CTNNA1: variants seen among roughly 807,000 people sequenced by gnomAD.
The protein encoded by CTNNA1 is catenin alpha 1, also known as catenin alpha-1.
CTNNA1 carries 37 observed loss-of-function variants against 98.4 expected under a neutral mutation model. The observed-to-expected ratio is 0.38, with a 90% CI of 0.29 to 0.49. The LOEUF (loss-of-function observed/expected upper bound fraction) is 0.49. Ranked by LOEUF, CTNNA1 falls within the 20% of genes least tolerant of loss-of-function variation. CTNNA1 has a pLI of 0.95. For missense variants in CTNNA1, 761 were observed against 1,147.2 expected (o/e 0.66, Z 4.86); for synonymous variants, 404 against 413.2 (o/e 0.98, Z 0.27).
In CTNNA1 at chr5:138,824,573, G is replaced by C; in HGVS notation, c.632G>C (p.Arg211Thr). The C allele has an allele frequency of 6.2e-7, 1 of 1,614,230 alleles. No homozygotes were observed. The highest frequency in any genetic ancestry group is 8.5e-7 in the Non-Finnish European group (1 of 1,180,040). The change falls in exon 6 of 18, where the codon AGA becomes ACA. Residue 211 changes from arginine to threonine, a missense_variant. Around this residue, in one of 6 missense-constraint regions of CTNNA1, gnomAD observed 328 missense variants for 354.3 expected, o/e 0.93. Coordinates refer to ENST00000302763, the MANE Select transcript of CTNNA1 (RefSeq NM_001903.5). ...VGHRDQMAAARGILQKNVPIL... is the reference protein window; with the variant it reads ...VGHRDQMAAATGILQKNVPIL... The stretch of plus-strand genomic sequence containing the variant: ...CATCGTGATCAGATGGCTGCAGCTA[G>C]AGGAATCCTGCAGAAGAACGTTCCG...
chr5:138,856,342 T>C (rs1763723149), intron 7 of CTNNA1, among the ~76,000 whole-genome samples: 1 of 151,858 alleles, frequency 6.6e-6, no homozygotes, highest in Non-Finnish European at 1.5e-5. Flanking sequence ...TTTCTTTTCC[T>C]TTTTTTTAAA....
chr5:138,873,697 CTTG>C lies in CTNNA1; in HGVS notation c.1063-12509_1063-12507del, dbSNP rs1561621339. On this transcript the variant is annotated intron_variant, in intron 7 of 17. Coordinates refer to ENST00000302763, the MANE Select transcript of CTNNA1 (RefSeq NM_001903.5). The surrounding 1 kb of genome is among the most constrained non-coding windows in gnomAD (Gnocchi z 6.1). ...AGATCTTGGAATCAAGGCTGTTTAACTTGTTGTTATCCATGAGGAGTATTTTAA... is the reference window on the plus strand; with the variant it reads ...AGATCTTGGAATCAAGGCTGTTTAACTTGTTATCCATGAGGAGTATTTTAA... 1.2e-6 allele frequency: 2 copies of C among 1,614,012 alleles called. No individual in the cohort carries two copies. The highest frequency in any genetic ancestry group is 1.3e-5 in the African/African-American group (1 of 75,038).
chr5:138,816,392 G>A (rs554977103), intron 5 of CTNNA1, among the ~76,000 whole-genome samples: 15 of 152,298 alleles, frequency 9.8e-5, no homozygotes, highest in African/African-American at 3.4e-4. Flanking sequence ...TGGATACCCA[G>A]TAGTGGGATT....
At chr5:138,877,593 G>A (rs921175325) in intron 7 of CTNNA1, among the ~76,000 whole-genome samples, 3 of 151,896 alleles carry the variant, frequency 2.0e-5, no homozygotes, top group South Asian at 2.1e-4. Flanking sequence ...GACTACAGGC[G>A]CCCGCCACCA....
intron 7 of CTNNA1, among the ~76,000 whole-genome samples, chr5:138,863,051 A>G (rs1452308413): frequency 6.6e-6 from 1 of 152,146 alleles, no homozygotes; most frequent in Non-Finnish European, 1.5e-5. Context: ...CCCAAGGTAC[A>G]TAAAGGTTGA....
Position 138,873,454 on chromosome 5 carries a change from G to A in CTNNA1, c.1063-12758G>A. 2 of 1,614,004 alleles carry A rather than the reference G, an allele frequency of 1.2e-6. No homozygotes were observed. Among genetic ancestry groups the A allele is most frequent in the Non-Finnish European group, 1.7e-6 (2 of 1,179,890 alleles). On this transcript the variant is annotated intron_variant, in intron 7 of 17. Coordinates refer to ENST00000302763, the MANE Select transcript of CTNNA1 (RefSeq NM_001903.5). This position sits in a 1 kb window ranked among gnomAD's most constrained non-coding sequence, Gnocchi z 6.1. ...TTGGATCTCTATAAGTTGTAGCCAT[G>A]ACAGTGACAGTGGTTGACAAATTCC...
At chr5:138,861,298 G>C (rs1335887401) in intron 7 of CTNNA1, among the ~76,000 whole-genome samples, 2 of 152,172 alleles carry the variant, frequency 1.3e-5, no homozygotes, top group East Asian at 3.8e-4. Flanking sequence ...TGGGATTACA[G>C]ACGTCCACCA....
In CTNNA1 at chr5:138,907,969, CT is replaced by C. The variant is rs199581293; in HGVS notation, c.1389+3538del. 6.7e-5 allele frequency among the ~76,000 whole-genome samples: 10 copies of C among 149,054 alleles called. No homozygotes were observed. In the East Asian group the frequency reaches 1.2e-3, roughly 18 times the overall value. ...TTCATCCCCATGCCCCCCATCCGCC[CT>C]TTTTTTTTTCTTCTTCTTCTTCTTC... is the stretch of plus-strand genomic sequence containing the variant. On this transcript the variant is annotated intron_variant, in intron 10 of 17. Transcript: ENST00000302763.
At chr5:138,846,742 G>T (rs1219431765) in intron 7 of CTNNA1, among the ~76,000 whole-genome samples, 1 of 152,134 alleles carries the variant, frequency 6.6e-6, no homozygotes, top group Non-Finnish European at 1.5e-5. Flanking sequence ...ATGAAGGATT[G>T]CTGAATTAAA....
intron 1 of CTNNA1, among the ~76,000 whole-genome samples, chr5:138,779,321 G>A (rs1207251533): frequency 6.6e-6 from 1 of 152,078 alleles, no homozygotes; most frequent in African/African-American, 2.4e-5. Flanking sequence ...TTTCTTTTGA[G>A]GATCCCTATG....
At chr5:138,781,273 G>A (rs1214981522) in intron 1 of CTNNA1, among the ~76,000 whole-genome samples, 1 of 152,088 alleles carries the variant, frequency 6.6e-6, no homozygotes, top group African/African-American at 2.4e-5. Flanking sequence ...GCTTTTGGCC[G>A]GGTGCGGTGG....
chr5:138,902,840 T>A (rs1758366761), intron 9 of CTNNA1, among the ~76,000 whole-genome samples: 1 of 152,242 alleles, frequency 6.6e-6, no homozygotes, highest in Non-Finnish European at 1.5e-5. Context: ...AGATTACTCT[T>A]CATGAACACA....
intron 7 of CTNNA1, among the ~76,000 whole-genome samples, chr5:138,864,843 C>A (rs1764597223): frequency 6.6e-6 from 1 of 152,058 alleles, no homozygotes; most frequent in Admixed American, 6.6e-5. Flanking sequence ...GAGAGGGAGT[C>A]TTGCTCTGTT....
chr5:138,858,682 G>T (rs748545263), intron 7 of CTNNA1, among the ~76,000 whole-genome samples: 1 of 137,354 alleles, frequency 7.3e-6, no homozygotes, highest in Non-Finnish European at 1.5e-5. Context: ...TGCAACCTCC[G>T]CCTCCCGCAT....
intron 3 of CTNNA1, among the ~76,000 whole-genome samples, chr5:138,789,364 A>T (rs1286530903): frequency 6.6e-6 from 1 of 152,236 alleles, no homozygotes; most frequent in African/African-American, 2.4e-5. Flanking sequence ...CAGGTAAGAA[A>T]AATAGACTGT....
intron 9 of CTNNA1, among the ~76,000 whole-genome samples, chr5:138,897,383 A>G (rs1561682555): frequency 7.2e-6 from 1 of 139,722 alleles, no homozygotes; most frequent in Non-Finnish European, 1.5e-5. Flanking sequence ...TTTGAAATGT[A>G]TATTTTAACT....
At chr5:138,804,495 A>G (rs191315360) in intron 3 of CTNNA1, among the ~76,000 whole-genome samples, 12 of 152,330 alleles carry the variant, frequency 7.9e-5, no homozygotes, top group Admixed American at 5.2e-4. Flanking sequence ...ACTGCCCAGC[A>G]AGCATTACCT....
chr5:138,829,560 C>T (rs575548954), intron 7 of CTNNA1, among the ~76,000 whole-genome samples: 33 of 152,144 alleles, frequency 2.2e-4, no homozygotes, highest in Non-Finnish European at 3.7e-4. Flanking sequence ...GCCAATCACC[C>T]CTGGTCATGA....
chr5:138,888,168 G>A lies in CTNNA1; in HGVS notation c.1296+526G>A, dbSNP rs1254245468. ...CTTGTTTTAAAAGCAGAGAAACTGA[G>A]CCCTGACATGGGGCTAATTAGTTAC... On this transcript the variant is annotated intron_variant, in intron 9 of 17. Transcript: ENST00000302763. 5.3e-5 allele frequency among the ~76,000 whole-genome samples: 8 copies of A among 152,326 alleles called. No individual in the cohort carries two copies. In the East Asian group the frequency reaches 9.6e-4, roughly 18 times the overall value.
Sources: gnomAD v4.1 joint callset for allele counts (sites outside exome capture counted in the v4.1 genomes callset) on GRCh38, gnomAD v4.1.1 for gene constraint, gnomAD v4.1.1 regional missense constraint, Gnocchi (gnomAD v3.1) non-coding constraint, MANE v1.5 for transcripts, NCBI Gene and HGNC (gene_info 2026-07-23, HGNC 2026-07-21) for gene names.